PDE7B: variants seen among roughly 807,000 people sequenced by gnomAD.
PDE7B encodes the protein 3',5'-cyclic-AMP phosphodiesterase 7B.
Under a neutral mutation model 56.2 loss-of-function variants are expected in PDE7B, and 29 were observed. The ratio of observed to expected loss-of-function variants is 0.52; its 90% confidence interval spans 0.38 to 0.70. The LOEUF is 0.70. Among genes scored for constraint, PDE7B ranks in the 30% least tolerant of loss-of-function variants. The pLI, the probability that PDE7B is intolerant of heterozygous loss-of-function variation, is 0.00. For missense variants in PDE7B, 490 were observed against 565.0 expected (o/e 0.87, Z 1.35); for synonymous variants, 197 against 196.9 (o/e 1.00, Z 0.00).
chr6:136,086,593 T>C (rs1777296111), intron 2 of PDE7B, among the ~76,000 whole-genome samples: 1 of 152,168 alleles, frequency 6.6e-6, no homozygotes, highest in Non-Finnish European at 1.5e-5. Context: ...CCAATAGTGG[T>C]ATATGTGGGA....
chr6:136,018,284 T>C (rs74414724), intron 2 of PDE7B, among the ~76,000 whole-genome samples: 245 of 152,310 alleles, frequency 1.6e-3, no homozygotes, highest in Admixed American at 3.3e-3. Context: ...CCCAGAGACC[T>C]GTCTCATCTT....
intron 8 of PDE7B, among the ~76,000 whole-genome samples, chr6:136,173,184 C>T (rs576774566): frequency 8.0e-4 from 122 of 152,236 alleles, no homozygotes; most frequent in African/African-American, 2.8e-3. Context: ...AAAAAGAGCC[C>T]GCATTGCCAA....
chr6:135,983,331 A>C (rs1249751198), intron 2 of PDE7B, among the ~76,000 whole-genome samples: 1 of 152,242 alleles, frequency 6.6e-6, no homozygotes, highest in East Asian at 1.9e-4. Flanking sequence ...AGACCTGTCC[A>C]TGTCCTAGCT....
intron 2 of PDE7B, among the ~76,000 whole-genome samples, chr6:136,003,288 A>G (rs1301194173): frequency 1.5e-4 from 23 of 151,482 alleles, no homozygotes; most frequent in Non-Finnish European, 1.0e-4. Flanking sequence ...CACAATTAAA[A>G]GAACTAGAAA....
At chr6:136,133,736 G>A (rs1416853101) in intron 3 of PDE7B, among the ~76,000 whole-genome samples, 8 of 152,296 alleles carry the variant, frequency 5.3e-5, no homozygotes, top group Admixed American at 2.6e-4. Context: ...CACATAGCAA[G>A]TGAGCTAAGT....
chr6:136,140,596 C>T (rs1027028088), intron 3 of PDE7B, among the ~76,000 whole-genome samples: 16 of 152,154 alleles, frequency 1.1e-4, no homozygotes, highest in Non-Finnish European at 1.9e-4. Context: ...TTCCTCCTAC[C>T]CTTGAGCATG....
At chr6:135,867,494 T>C (rs2128185879) in intron 1 of PDE7B, among the ~76,000 whole-genome samples, 1 of 152,264 alleles carries the variant, frequency 6.6e-6, no homozygotes, top group East Asian at 1.9e-4. Flanking sequence ...GAAACGTGTG[T>C]CATGGGGATT....
chr6:136,077,293 C>T (rs1777141222), intron 2 of PDE7B, among the ~76,000 whole-genome samples: 1 of 152,066 alleles, frequency 6.6e-6, no homozygotes, highest in Admixed American at 6.5e-5. Context: ...TTCAAACACA[C>T]AGAAGAGTGA....
intron 1 of PDE7B, among the ~76,000 whole-genome samples, chr6:135,885,942 A>C (rs897122564): frequency 6.6e-6 from 1 of 152,126 alleles, no homozygotes; most frequent in Non-Finnish European, 1.5e-5. Flanking sequence ...ATGTGTAAAA[A>C]CTTAGTCTAT....
chr6:135,877,358 C>CT lies in PDE7B; in HGVS notation c.21+25356dup, dbSNP rs11302793. 2.0e-3 allele frequency among the ~76,000 whole-genome samples: 251 copies of CT among 126,908 alleles called. 4 individuals carry two copies. Among genetic ancestry groups the CT allele is most frequent in the East Asian group, 0.017 (76 of 4,432 alleles). The allele number at this position is 126,908 out of a possible 152,430, so 83.3% of individuals were successfully genotyped here. Reference sequence around the variant, plus strand: ...CATTCTAGAACCAGTTTACACATTCCTTTTTTTTTTTTTTTTTCACCTTAG... The same window carrying CT: ...CATTCTAGAACCAGTTTACACATTCCTTTTTTTTTTTTTTTTTTCACCTTAG... On this transcript the variant is annotated intron_variant, in intron 1 of 12. Coordinates refer to ENST00000308191, the MANE Select transcript of PDE7B (RefSeq NM_018945.4).
intron 1 of PDE7B, among the ~76,000 whole-genome samples, chr6:135,895,450 C>A (rs188670594): frequency 2.0e-5 from 3 of 152,204 alleles, no homozygotes; most frequent in South Asian, 2.1e-4. Context: ...GTGCCCTGAC[C>A]TCTCTCTGAT....
intron 1 of PDE7B, among the ~76,000 whole-genome samples, chr6:135,873,389 C>G (rs867656128): frequency 6.6e-6 from 1 of 152,114 alleles, no homozygotes; most frequent in Non-Finnish European, 1.5e-5. Context: ...CAAATATGCA[C>G]AAAATTTTTT....
intron 2 of PDE7B, among the ~76,000 whole-genome samples, chr6:136,002,793 G>C (rs1341455435): frequency 2.0e-5 from 3 of 151,890 alleles, no homozygotes; most frequent in Admixed American, 2.0e-4. Context: ...ACAGATCAAT[G>C]AGACAGAAAG....
intron 9 of PDE7B, among the ~76,000 whole-genome samples, chr6:136,176,932 T>C (rs576739482): frequency 1.3e-5 from 2 of 152,168 alleles, no homozygotes; most frequent in Non-Finnish European, 2.9e-5. Context: ...TAATATCACT[T>C]TATTTTTTGA....
intron 1 of PDE7B, among the ~76,000 whole-genome samples, chr6:135,945,162 G>A (rs1336403403): frequency 3.3e-5 from 5 of 152,154 alleles, no homozygotes; most frequent in African/African-American, 1.2e-4. Flanking sequence ...CCAAAACAAC[G>A]AAATAGGAAC....
At chr6:135,947,344 A>G (rs1379222114) in intron 1 of PDE7B, 120 bp from the exon 2 acceptor site, 1 of 763,570 alleles carries the variant, frequency 1.3e-6, no homozygotes, top group Admixed American at 2.1e-5. Flanking sequence ...CCCTAGACTC[A>G]GGTAACCAAT....
At chr6:136,062,774 T>G (rs1222995816) in intron 2 of PDE7B, among the ~76,000 whole-genome samples, 1 of 152,186 alleles carries the variant, frequency 6.6e-6, no homozygotes, top group African/African-American at 2.4e-5. Context: ...AAGACCAAAT[T>G]GCTCTCTGGA....
chr6:135,906,559 T>C (rs1429787288), intron 1 of PDE7B, among the ~76,000 whole-genome samples: 5 of 152,190 alleles, frequency 3.3e-5, no homozygotes, highest in Admixed American at 1.3e-4. Flanking sequence ...AGATTATAGA[T>C]GATTATACCA....
chr6:136,116,246 C>T (rs1171836979), intron 3 of PDE7B, among the ~76,000 whole-genome samples: 1 of 152,070 alleles, frequency 6.6e-6, no homozygotes, highest in Non-Finnish European at 1.5e-5. Flanking sequence ...CATATGAGGA[C>T]ATAACGTCAT....
Sources: gnomAD v4.1 joint callset for allele counts (sites outside exome capture counted in the v4.1 genomes callset) on GRCh38, gnomAD v4.1.1 for gene constraint, MANE v1.5 for transcripts, NCBI Gene and HGNC (gene_info 2026-07-23, HGNC 2026-07-21) for gene names.